Variants in PLOD2 observed in about 807,000 individuals in gnomAD.
The protein encoded by PLOD2 is lysine hydroxylase 2.
Under a neutral mutation model 101.0 loss-of-function variants are expected in PLOD2, and 65 were observed. That is an observed-to-expected ratio of 0.64 (90% CI 0.53 to 0.79). The LOEUF (loss-of-function observed/expected upper bound fraction) is 0.79. Among genes scored for constraint, PLOD2 ranks in the 30% least tolerant of loss-of-function variants. The pLI is 0.00. For missense variants in PLOD2, 909 were observed against 914.6 expected (o/e 0.99, Z 0.08); for synonymous variants, 314 against 302.9 (o/e 1.04, Z -0.38).
chr3:146,107,197 G>A (rs544749383), intron 4 of PLOD2, among the ~76,000 whole-genome samples: 1 of 152,246 alleles, frequency 6.6e-6, no homozygotes, highest in East Asian at 1.9e-4. Flanking sequence ...CCATTACTTT[G>A]GCCAGTCATT....
At chr3:146,084,260 G>C (rs758567705) in intron 11 of PLOD2, among the ~76,000 whole-genome samples, 1 of 151,966 alleles carries the variant, frequency 6.6e-6, no homozygotes, top group Non-Finnish European at 1.5e-5. Context: ...CTTAGATACT[G>C]AGTATCTATA....
At chr3:146,124,326 G>T in intron 1 of PLOD2, 97 bp from the exon 2 acceptor site, 1 of 707,532 alleles carries the variant, frequency 1.4e-6, no homozygotes, top group South Asian at 1.5e-5. Flanking sequence ...CTAAACCCGT[G>T]GGAATATTCT....
At chr3:146,117,328 A>T (rs564207019) in intron 3 of PLOD2, among the ~76,000 whole-genome samples, 1 of 152,270 alleles carries the variant, frequency 6.6e-6, no homozygotes, top group African/African-American at 2.4e-5. Flanking sequence ...TACCAGAGCT[A>T]ACCTTAATTA....
intron 3 of PLOD2, among the ~76,000 whole-genome samples, chr3:146,117,862 T>C (rs1003786702): frequency 3.3e-5 from 5 of 151,956 alleles, no homozygotes; most frequent in Non-Finnish European, 7.4e-5. Flanking sequence ...TATATCACAG[T>C]GTCCTTCTTC....
intron 3 of PLOD2, among the ~76,000 whole-genome samples, chr3:146,116,275 G>T (rs533749504): frequency 1.3e-5 from 2 of 151,042 alleles, no homozygotes; most frequent in Non-Finnish European, 3.0e-5. Context: ...ACACACACAC[G>T]CACACACACA....
In PLOD2 at chr3:146,161,159, G is replaced by A. The variant is rs527384365; in HGVS notation, c.-170C>T. The A allele has an allele frequency of 1.5e-5, 6 of 408,000 alleles. No individual in the cohort carries two copies. The South Asian group carries it at 3.4e-4, about 23-fold the overall frequency. 25.3% of individuals were successfully genotyped at this position (408,000 alleles called of 1,614,324 possible). ...AGCGGCGCGTAACGCAGCTGAGTGA[G>A]GTCGTCGGTGGAGGCACGGAGCAGC... On this transcript the variant is annotated 5_prime_UTR_variant, in exon 1 of 20. Coordinates refer to ENST00000282903, the MANE Select transcript of PLOD2 (RefSeq NM_182943.3).
rs1936868443 is a variant in PLOD2 at position 146,088,639 on chromosome 3, A to C, written c.952T>G (p.Leu318Val). ...TCTTTTGGGTAATCCAGTGTCAACA[A>C]TATGTCCAGAAACCGAGGTAGAAAA... ...TPFLPRFLDI[L>V]LTLDYPKEAL... Residue 318 changes from leucine (L) to valine (V), a missense_variant, in exon 9 of 20, where the codon TTG becomes GTG. Coordinates refer to ENST00000282903, the MANE Select transcript of PLOD2 (RefSeq NM_182943.3). The C allele has an allele frequency of 6.2e-7, 1 of 1,600,058 alleles. No homozygotes were observed. The highest frequency in any genetic ancestry group is 1.1e-5 in the South Asian group (1 of 90,730).
At chr3:146,158,159 T>C (rs576797360) in intron 1 of PLOD2, among the ~76,000 whole-genome samples, 1 of 152,120 alleles carries the variant, frequency 6.6e-6, no homozygotes, top group Non-Finnish European at 1.5e-5. Context: ...CTTCTCCTTA[T>C]CCCATCTAGA....
intron 4 of PLOD2, among the ~76,000 whole-genome samples, chr3:146,107,171 C>G (rs1246439204): frequency 6.6e-6 from 1 of 152,202 alleles, no homozygotes; most frequent in Admixed American, 6.5e-5. Context: ...ATATCTAAGA[C>G]ATTTTGGAAA....
In PLOD2 at chr3:146,158,663, C is replaced by CAT. The variant is rs2032417048; in HGVS notation, c.109+2217_109+2218insAT. Among the ~76,000 whole-genome samples, 3 of 127,924 alleles carry CAT rather than the reference C, an allele frequency of 2.3e-5. No homozygotes were observed. The Admixed American group carries it at 2.5e-4, about 11-fold the overall frequency. 83.9% of individuals were successfully genotyped at this position (127,924 alleles called of 152,430 possible). A position where few individuals can be genotyped will look rare whatever the true frequency, so the allele number is the denominator to read the frequency against. ...ATTTTGTCCCTCTGGGGACATTAGGCCTTTTTTGTTTTTTTGGTGCTCAGA... is the reference window on the plus strand; with the variant it reads ...ATTTTGTCCCTCTGGGGACATTAGGCATCTTTTTTGTTTTTTTGGTGCTCAGA... On this transcript the variant is annotated intron_variant, in intron 1 of 19. Coordinates refer to ENST00000282903, the MANE Select transcript of PLOD2 (RefSeq NM_182943.3).
intron 5 of PLOD2, among the ~76,000 whole-genome samples, chr3:146,105,355 A>C (rs80023917): frequency 0.012 from 1,755 of 152,252 alleles, 37 homozygotes; most frequent in African/African-American, 0.041. Context: ...TTCAGGCTCC[A>C]AATTCTCAAA....
intron 1 of PLOD2, among the ~76,000 whole-genome samples, chr3:146,130,597 T>C (rs748916548): frequency 1.8e-4 from 27 of 152,196 alleles, no homozygotes; most frequent in Admixed American, 3.9e-4. Flanking sequence ...GTCTTGCATG[T>C]AGGTGTGAAT....
Position 146,072,642 on chromosome 3 carries a change from G to A in PLOD2, c.1767C>T (p.Phe589=), listed in dbSNP as rs777494101. 2 of 1,607,118 alleles carry A rather than the reference G, an allele frequency of 1.2e-6. No individual in the cohort carries two copies. Among genetic ancestry groups the A allele is most frequent in the South Asian group, 1.1e-5 (1 of 90,938 alleles). ...VEQPCPDVFW[F]PIFSEKACDE... ...CACAGGCTTTTTCAGAAAATATGGGGAACCAAAAGACATCTGGACAGGGCT... is the reference window on the plus strand; with the variant it reads ...CACAGGCTTTTTCAGAAAATATGGGAAACCAAAAGACATCTGGACAGGGCT... Residue 589 remains phenylalanine, a synonymous_variant, in exon 17 of 20, where the codon TTC becomes TTT. Transcript: ENST00000282903.
At chr3:146,160,695 C>G in intron 1 of PLOD2, 186 bp downstream of exon 1, 2 of 579,210 alleles carry the variant, frequency 3.5e-6, no homozygotes, top group Non-Finnish European at 6.2e-6. Flanking sequence ...GGGCGGGTGC[C>G]CCTACACTTC....
chr3:146,161,017 C>T lies in PLOD2; in HGVS notation c.-28G>A. 1 of 1,429,098 alleles carries T rather than the reference C, an allele frequency of 7.0e-7. No homozygotes were observed. Among genetic ancestry groups the T allele is most frequent in the Admixed American group, 1.9e-5 (1 of 51,496 alleles). The allele number at this position is 1,429,098 out of a possible 1,614,324, so 88.5% of individuals were successfully genotyped here. A position where few individuals can be genotyped will look rare whatever the true frequency, so the allele number is the denominator to read the frequency against. On this transcript the variant is annotated 5_prime_UTR_variant, in exon 1 of 20. Coordinates refer to ENST00000282903, the MANE Select transcript of PLOD2 (RefSeq NM_182943.3). ...TCGGCCCTCGAGGGCCGCGCGGGCT[C>T]AGGCGCCCACGGCCCCGCAGCGCCG...
chr3:146,084,987 T>C (rs1265398740), intron 11 of PLOD2, among the ~76,000 whole-genome samples, 182 bp downstream of exon 11: 1 of 152,144 alleles, frequency 6.6e-6, no homozygotes, highest in Non-Finnish European at 1.5e-5. Context: ...TCCAGATGTA[T>C]TCAGGTTGTT....
At chr3:146,116,623 C>T (rs9858081) in intron 3 of PLOD2, among the ~76,000 whole-genome samples, 78,104 of 151,542 alleles carry the variant, frequency 0.52, 20,178 homozygotes, top group Middle Eastern at 0.56. Flanking sequence ...AAAGGAAATA[C>T]GGAGTACACA....
At chr3:146,089,648 TATA>T (rs1559842012) in intron 8 of PLOD2, among the ~76,000 whole-genome samples, 1 of 151,666 alleles carries the variant, frequency 6.6e-6, no homozygotes, top group African/African-American at 2.4e-5. Context: ...CCATTATCTG[TATA>T]ATAACATATG....
At chr3:146,079,003 G>A (rs576323322) in intron 13 of PLOD2, 113 bp downstream of exon 13, 1 of 1,028,752 alleles carries the variant, frequency 9.7e-7, no homozygotes, top group East Asian at 2.4e-5. Flanking sequence ...AAAAAAATTG[G>A]CTAGTACTTA....
Sources: gnomAD v4.1 joint callset for allele counts (sites outside exome capture counted in the v4.1 genomes callset) on GRCh38, gnomAD v4.1.1 for gene constraint, MANE v1.5 for transcripts, NCBI Gene and HGNC (gene_info 2026-07-23, HGNC 2026-07-21) for gene names.